The following TARS2 variants were observed in gnomAD, a reference collection of about 807,000 sequenced individuals.
The protein encoded by TARS2 is threonine--tRNA ligase, mitochondrial.
TARS2 carries 61 observed loss-of-function variants against 94.4 expected under a neutral mutation model. The observed-to-expected ratio is 0.65, with a 90% confidence interval of 0.53 to 0.80. The LOEUF (loss-of-function observed/expected upper bound fraction) is 0.80, where lower values mean the gene tolerates loss of function less well. Among genes scored for constraint, TARS2 ranks in the 30% least tolerant of loss-of-function variants. TARS2 has a pLI of 0.00. For missense variants in TARS2, 704 were observed against 902.5 expected (o/e 0.78, Z 2.82); for synonymous variants, 359 against 353.4 (o/e 1.02, Z -0.18).
chr1:150,504,586 G>T, intron 14 of TARS2, 46 bp from the exon 15 acceptor site: 1 of 1,599,982 alleles, frequency 6.3e-7, no homozygotes, highest in Non-Finnish European at 8.6e-7. Context: ...TACACAATTC[G>T]TGATACTTCC....
intron 13 of TARS2, among the ~76,000 whole-genome samples, chr1:150,500,515 C>T (rs2102498961): frequency 6.6e-6 from 1 of 152,180 alleles, no homozygotes; most frequent in South Asian, 2.1e-4. Context: ...ATCGCTGAAC[C>T]TGGGAAGTTG....
At chr1:150,489,727 G>T (rs916898865) in intron 3 of TARS2, among the ~76,000 whole-genome samples, 1 of 152,262 alleles carries the variant, frequency 6.6e-6, no homozygotes, top group African/African-American at 2.4e-5. Flanking sequence ...GATCATCTGA[G>T]GTCAAGAGTT....
intron 10 of TARS2, among the ~76,000 whole-genome samples, chr1:150,498,160 C>A (rs1419280595): frequency 6.6e-6 from 1 of 151,898 alleles, no homozygotes; most frequent in Non-Finnish European, 1.5e-5. Context: ...CTACAGTCTT[C>A]CCCCTAGCTA....
At chr1:150,491,812 T>A in intron 6 of TARS2, 150 bp downstream of exon 6, 1 of 816,206 alleles carries the variant, frequency 1.2e-6, no homozygotes, top group Non-Finnish European at 1.9e-6. Context: ...TTTCTTTTTT[T>A]GAGACGGAGT....
intron 4 of TARS2, 94 bp from the exon 5 acceptor site, chr1:150,491,300 A>C: frequency 8.3e-7 from 1 of 1,211,748 alleles, no homozygotes; most frequent in Non-Finnish European, 1.2e-6. Flanking sequence ...ATTTCTCTTG[A>C]AGGACAGGAC....
chr1:150,487,934 A>T lies in TARS2; in HGVS notation c.143A>T (p.Lys48Met). 6.2e-7 allele frequency: 1 copy of T among 1,614,010 alleles called. No individual in the cohort carries two copies. Residue 48 changes from lysine (K) to methionine (M), a missense_variant, in exon 2 of 18, where the codon AAG (lysine) becomes ATG (methionine). By Grantham distance (95) the Lys-to-Met change is moderately conservative (BLOSUM62 -1). This residue lies in a region of TARS2 where 208 missense variants were observed against 228.5 expected (regional missense o/e 0.91). Coordinates refer to ENST00000369064, the MANE Select transcript of TARS2 (RefSeq NM_025150.5). ...LFEELWAAQV[K>M]RLASMAQKEP... ...GAGGAGCTGTGGGCTGCTCAGGTAA[A>T]GAGATTAGCAAGCATGGCACAGAAG...
At chr1:150,498,786 C>G in intron 11 of TARS2, 111 bp from the exon 12 acceptor site, 1 of 1,607,526 alleles carries the variant, frequency 6.2e-7, no homozygotes, top group Non-Finnish European at 8.5e-7. Context: ...CATTCTACCC[C>G]CAGCTTGCTT....
intron 13 of TARS2, among the ~76,000 whole-genome samples, chr1:150,502,142 A>G (rs1669952308): frequency 1.3e-5 from 2 of 151,466 alleles, no homozygotes; most frequent in African/African-American, 2.4e-5. Context: ...TGAACTCCCA[A>G]CCTCAGGTGA....
chr1:150,487,851 C>A lies in TARS2; in HGVS notation c.67-7C>A. ...TGTGTTACCTGCTAATATATCTTTC[C>A]CTCCAGGCAGTTGTGTCGACCCCTC... On this transcript the variant is annotated splice_region_variant and splice_polypyrimidine_tract_variant and intron_variant, in intron 1 of 17. Transcript: ENST00000369064. 1 of 1,611,050 alleles carries A rather than the reference C, an allele frequency of 6.2e-7. No individual in the cohort carries two copies. Among genetic ancestry groups the A allele is most frequent in the African/African-American group, 1.3e-5 (1 of 74,914 alleles).
chr1:150,498,972 G>A lies in TARS2; in HGVS notation c.1477G>A (p.Ala493Thr). The A allele has an allele frequency of 6.2e-7, 1 of 1,614,160 alleles. No individual in the cohort carries two copies. Among genetic ancestry groups the A allele is most frequent in the South Asian group, 1.1e-5 (1 of 91,088 alleles). Residue 493 changes from alanine to threonine, a missense_variant, in exon 12 of 18, where the codon GCA (alanine) becomes ACA (threonine). Ala to Thr is a moderately conservative substitution (Grantham distance 58). Around this residue, in one of 3 missense-constraint regions of TARS2, gnomAD observed 466 missense variants for 609.5 expected, o/e 0.76. Transcript: ENST00000369064. ...YAVLGFSFRL[A>T]LSTRPSGFLG... The stretch of plus-strand genomic sequence containing the variant: ...CGTTCTTGGCTTCTCCTTCCGCCTG[G>A]CACTGTCCACCCGGCCATCTGGCTT...
At chr1:150,492,258 C>A (rs988590106) in intron 6 of TARS2, 153 bp from the exon 7 acceptor site, 4 of 757,164 alleles carry the variant, frequency 5.3e-6, no homozygotes, top group Non-Finnish European at 8.6e-6. Context: ...GCCACCGCGC[C>A]CTGCCAGGGA....
chr1:150,495,096 G>A (rs1273825913), intron 7 of TARS2, among the ~76,000 whole-genome samples: 1 of 151,890 alleles, frequency 6.6e-6, no homozygotes, highest in Non-Finnish European at 1.5e-5. Flanking sequence ...GGAGAATGGC[G>A]TGAACCCTGG....
chr1:150,506,745 G>C (rs587596743), intron 17 of TARS2, among the ~76,000 whole-genome samples, 171 bp from the exon 18 acceptor site: 1 of 152,026 alleles, frequency 6.6e-6, no homozygotes, highest in East Asian at 1.9e-4. Context: ...GAGCAGGACT[G>C]GTCATTTAGT....
intron 13 of TARS2, among the ~76,000 whole-genome samples, chr1:150,502,385 A>ATTTT (rs745871348): frequency 8.1e-6 from 1 of 122,858 alleles, no homozygotes; most frequent in African/African-American, 3.0e-5. Context: ...CGCCCAGCTA[A>ATTTT]TTTTTTTTTT....
At chr1:150,504,782 A>G in intron 15 of TARS2, 49 bp downstream of exon 15, 1 of 1,610,222 alleles carries the variant, frequency 6.2e-7, no homozygotes, top group Non-Finnish European at 8.5e-7. Flanking sequence ...CCGGATAGTT[A>G]TGCTCCAGAT....
intron 16 of TARS2, 61 bp downstream of exon 16, chr1:150,505,039 C>A: frequency 6.4e-7 from 1 of 1,565,100 alleles, no homozygotes; most frequent in South Asian, 1.1e-5. Context: ...TGGTGCCCTG[C>A]AGTGGGCAGG....
Position 150,496,903 on chromosome 1 carries a change from A to G in TARS2, c.1015A>G (p.Ile339Val). The part of the protein sequence containing the change: ...TRVYNALVAF[I>V]RAEYAHRGFS... Reference sequence around the variant, plus strand: ...GGTGTATAATGCACTAGTGGCGTTTATCAGGGTAAGGGGACCCAGGTCTAG... The same window carrying G: ...GGTGTATAATGCACTAGTGGCGTTTGTCAGGGTAAGGGGACCCAGGTCTAG... Residue 339 changes from isoleucine (I) to valine (V), a missense_variant, in exon 9 of 18, where the codon ATC becomes GTC. By Grantham distance (29) the Ile-to-Val change is conservative. This residue lies in a region of TARS2 where 466 missense variants were observed against 609.5 expected (regional missense o/e 0.76). Transcript: ENST00000369064. 1.2e-6 allele frequency: 2 copies of G among 1,614,020 alleles called. No individual in the cohort carries two copies. Among genetic ancestry groups the G allele is most frequent in the Non-Finnish European group, 1.7e-6 (2 of 1,179,982 alleles).
At chr1:150,491,885 C>T (rs1669403957) in intron 6 of TARS2, 1 of 491,296 alleles carries the variant, frequency 2.0e-6, no homozygotes, top group Non-Finnish European at 3.7e-6. Flanking sequence ...ACCTCCGCCT[C>T]CTGGGTTCAA....
intron 13 of TARS2, among the ~76,000 whole-genome samples, chr1:150,501,005 G>T (rs2102499840): frequency 1.3e-5 from 2 of 152,256 alleles, no homozygotes; most frequent in South Asian, 4.1e-4. Flanking sequence ...GAAGGTAGAT[G>T]CAAGGAAGTT....
Sources: gnomAD v4.1 joint callset for allele counts (sites outside exome capture counted in the v4.1 genomes callset) on GRCh38, gnomAD v4.1.1 for gene constraint, gnomAD v4.1.1 regional missense constraint, MANE v1.5 for transcripts, NCBI Gene and HGNC (gene_info 2026-07-23, HGNC 2026-07-21) for gene names.